The following RFC1 variants were observed in gnomAD, a reference collection of about 807,000 sequenced individuals.
The protein encoded by RFC1 is replication factor C subunit 1, also known as A1 140 kDa subunit.
Under a neutral mutation model 137.4 loss-of-function variants are expected in RFC1, and 37 were observed. That is an observed-to-expected ratio of 0.27 (90% CI 0.21 to 0.35). The LOEUF is 0.35. RFC1 is among the 10% of genes least tolerant of loss of function. The pLI is 1.00. For synonymous variants in RFC1, 429 were observed against 455.7 expected (o/e 0.94, Z 0.75); for missense variants, 1,205 against 1,358.5 (o/e 0.89, Z 1.78).
intron 5 of RFC1, 79 bp from the exon 6 acceptor site, chr4:39,326,719 A>T: frequency 9.7e-7 from 1 of 1,036,218 alleles, no homozygotes; most frequent in Non-Finnish European, 1.5e-6. Context: ...ACTGTTGCTG[A>T]TTAAATACAC....
chr4:39,327,451 C>A, intron 5 of RFC1, 73 bp downstream of exon 5: 1 of 860,330 alleles, frequency 1.2e-6, no homozygotes, highest in Non-Finnish European at 1.8e-6. Flanking sequence ...TTTACTACAT[C>A]CTAGTTTCTC....
At chr4:39,361,930 T>C (rs1741778965) in intron 1 of RFC1, among the ~76,000 whole-genome samples, 1 of 151,890 alleles carries the variant, frequency 6.6e-6, no homozygotes, top group African/African-American at 2.4e-5. Context: ...TCCCAGCTAC[T>C]CGGGAGGCTG....
At position 39,288,000 on chromosome 4, in the gene RFC1, T is replaced by A. The variant is rs1052256511; in HGVS notation, c.*761A>T. ...AACAGACCACTGCATGAAATCCTAT[T>A]CACAGCAGAGACGTGGTCAACACAC... On this transcript the variant is annotated 3_prime_UTR_variant, in exon 25 of 25. Coordinates refer to ENST00000349703, the MANE Select transcript of RFC1 (RefSeq NM_002913.5). 2.0e-5 allele frequency: 3 copies of A among 152,182 alleles called. No homozygotes were observed. The highest frequency in any genetic ancestry group is 7.2e-5 in the African/African-American group (3 of 41,426). 9.4% of individuals were successfully genotyped at this position (152,182 alleles called of 1,614,324 possible).
intron 1 of RFC1, among the ~76,000 whole-genome samples, chr4:39,356,334 G>C (rs1043832711): frequency 1.3e-5 from 2 of 152,064 alleles, no homozygotes; most frequent in African/African-American, 2.4e-5. Flanking sequence ...GGGAAGTGGA[G>C]GGTGCAGTGG....
chr4:39,313,255 A>G (rs549608031), intron 10 of RFC1, among the ~76,000 whole-genome samples: 48 of 152,360 alleles, frequency 3.2e-4, no homozygotes, highest in African/African-American at 9.4e-4. Context: ...GTTAACTTGC[A>G]TAACTATAAA....
intron 23 of RFC1, among the ~76,000 whole-genome samples, chr4:39,290,913 T>C: frequency 6.6e-6 from 1 of 152,166 alleles, no homozygotes; most frequent in East Asian, 1.9e-4. Context: ...GAGTAGTTAC[T>C]TCAAAATACT....
chr4:39,342,888 A>G (rs1449866369), intron 3 of RFC1, among the ~76,000 whole-genome samples: 1 of 152,216 alleles, frequency 6.6e-6, no homozygotes, highest in Non-Finnish European at 1.5e-5. Flanking sequence ...AGCCAGCAAC[A>G]TCAAGCGAAA....
chr4:39,294,472 G>C lies in RFC1; in HGVS notation c.2954+1142C>G, dbSNP rs564403193. Among the ~76,000 whole-genome samples the C allele has an allele frequency of 2.7e-4, 40 of 149,562 alleles. No homozygotes were observed. The South Asian group carries it at 3.2e-3, about 12-fold the overall frequency. On this transcript the variant is annotated intron_variant, in intron 22 of 24. Coordinates refer to ENST00000349703, the MANE Select transcript of RFC1 (RefSeq NM_002913.5). ...GGACCACCTGAGGTCAGGAGTTCGA[G>C]ACCAGCCTGACCAATATGGTGAAAC... is the stretch of plus-strand genomic sequence containing the variant.
chr4:39,347,931 G>A lies in RFC1; in HGVS notation c.133-2455C>T, dbSNP rs564193833. ...TGTGTCCTAGTGCTTTGTGAAAGATGGAACCTGTGAATGATGAAATCAGAT... is the reference window on the plus strand; with the variant it reads ...TGTGTCCTAGTGCTTTGTGAAAGATAGAACCTGTGAATGATGAAATCAGAT... On this transcript the variant is annotated intron_variant, in intron 2 of 24. Coordinates refer to ENST00000349703, the MANE Select transcript of RFC1 (RefSeq NM_002913.5). 2.6e-5 allele frequency among the ~76,000 whole-genome samples: 4 copies of A among 152,280 alleles called. No homozygotes were observed. In the East Asian group the frequency reaches 7.7e-4, roughly 29 times the overall value.
At chr4:39,337,960 G>A (rs1442957490) in intron 4 of RFC1, among the ~76,000 whole-genome samples, 1 of 152,058 alleles carries the variant, frequency 6.6e-6, no homozygotes, top group Admixed American at 6.5e-5. Context: ...TTCAAGACAG[G>A]AAAAACCCCC....
At chr4:39,325,032 CT>C (rs1189446655) in intron 6 of RFC1, among the ~76,000 whole-genome samples, 1 of 152,220 alleles carries the variant, frequency 6.6e-6, no homozygotes, top group Non-Finnish European at 1.5e-5. Flanking sequence ...CTCTCCTCTC[CT>C]TTGCTGGATC....
chr4:39,304,951 C>T (rs1738562062), intron 14 of RFC1, 23 bp from the exon 15 acceptor site: 6 of 1,390,806 alleles, frequency 4.3e-6, no homozygotes, highest in Non-Finnish European at 6.1e-6. Context: ...TTGGAAACCA[C>T]TGAAGGCACA....
chr4:39,288,900 T>C, intron 24 of RFC1, 56 bp from the exon 25 acceptor site: 4 of 1,054,212 alleles, frequency 3.8e-6, no homozygotes, highest in Non-Finnish European at 5.8e-6. Context: ...GTAAATGAAA[T>C]AAGTTCATCT....
In RFC1 at chr4:39,351,351, G is replaced by T; in HGVS notation, c.129C>A (p.Ile43=). 2.7e-6 allele frequency: 4 copies of T among 1,461,472 alleles called. No individual in the cohort carries two copies. Among genetic ancestry groups the T allele is most frequent in the South Asian group, 2.7e-5 (2 of 74,736 alleles). 90.5% of individuals were successfully genotyped at this position (1,461,472 alleles called of 1,614,324 possible). A position where few individuals can be genotyped will look rare whatever the true frequency, so the allele number is the denominator to read the frequency against. ...TLKAKKGIKE[I]KVNSSRKEDD... ...AAATTATACCCAGAAAACTAACCTT[G>T]ATTTCCTTTATTCCTTTCTTTGCTT... The change falls in exon 2 of 25, where the codon ATC becomes ATA. Residue 43 remains isoleucine, a synonymous_variant. Transcript: ENST00000349703.
At chr4:39,349,972 C>G (rs1741102530) in intron 2 of RFC1, among the ~76,000 whole-genome samples, 2 of 152,008 alleles carry the variant, frequency 1.3e-5, no homozygotes, top group Non-Finnish European at 1.5e-5. Flanking sequence ...CCATTGCACT[C>G]CAACCTGGGC....
At chr4:39,303,298 GAA>G (rs756287750) in intron 15 of RFC1, 147 bp from the exon 16 acceptor site, 4,429 of 396,172 alleles carry the variant, frequency 0.011, no homozygotes, top group East Asian at 0.013. Flanking sequence ...TGTTGTTAAA[GAA>G]AAAAAAAAAA....
chr4:39,300,360 T>A lies in RFC1; in HGVS notation c.2590A>T (p.Met864Leu). 6.2e-7 allele frequency: 1 copy of A among 1,614,056 alleles called. No individual in the cohort carries two copies. Among genetic ancestry groups the A allele is most frequent in the Non-Finnish European group, 8.5e-7 (1 of 1,179,894 alleles). Reference protein sequence around the residue: ...VFAAGEETAHMSLVDKSDLFF... With the variant: ...VFAAGEETAHLSLVDKSDLFF... ...AGATCTGACTTGTCCACAAGTGACA[T>A]GTGAGCAGTCTCCTCTCCAGCTGCA... The change falls in exon 20 of 25, where the codon ATG becomes TTG. Residue 864 changes from methionine to leucine, a missense_variant. Physicochemically the swap from Met to Leu is conservative, Grantham distance 15. Around this residue, in one of 3 missense-constraint regions of RFC1, gnomAD observed 962 missense variants for 1,035.3 expected, o/e 0.93. Transcript: ENST00000349703.
intron 22 of RFC1, among the ~76,000 whole-genome samples, chr4:39,293,229 T>G (rs919665192): frequency 6.6e-6 from 1 of 152,134 alleles, no homozygotes; most frequent in Admixed American, 6.6e-5. Context: ...GCAGTGTGAG[T>G]CCCTAAGCCA....
intron 4 of RFC1, among the ~76,000 whole-genome samples, chr4:39,332,082 T>C (rs948454790): frequency 9.2e-5 from 14 of 152,208 alleles, no homozygotes; most frequent in African/African-American, 3.4e-4. Flanking sequence ...GAGACGTGCC[T>C]TTCACCTTCC....
Sources: gnomAD v4.1 joint callset for allele counts (sites outside exome capture counted in the v4.1 genomes callset) on GRCh38, gnomAD v4.1.1 for gene constraint, gnomAD v4.1.1 regional missense constraint, MANE v1.5 for transcripts, NCBI Gene and HGNC (gene_info 2026-07-23, HGNC 2026-07-21) for gene names.